The following VWF variants were observed in gnomAD, a reference collection of about 807,000 sequenced individuals.
VWF encodes Factor VIII related antigen.
A neutral mutation model predicts 308.6 loss-of-function variants in VWF; 176 were observed. The ratio of observed to expected loss-of-function variants is 0.57; its 90% CI spans 0.50 to 0.65. The LOEUF (loss-of-function observed/expected upper bound fraction) is 0.65, where lower values mean the gene tolerates loss of function less well. Ranked by LOEUF, VWF falls within the 30% of genes least tolerant of loss-of-function variation. The probability of loss-of-function intolerance (pLI) is 0.00; values close to 1 mark genes in which losing one functional copy is unlikely to be tolerated. For synonymous variants in VWF, 1,385 were observed against 1,443.4 expected, an observed-to-expected ratio of 0.96 and a Z score of 0.92; for missense variants, 3,146 against 3,648.2, an observed-to-expected ratio of 0.86 and a Z score of 3.55.
chr12:6,064,531 A>C, intron 11 of VWF, 147 bp from the exon 12 acceptor site: 20 of 1,295,830 alleles, frequency 1.5e-5, no homozygotes, highest in Non-Finnish European at 2.1e-5. Flanking sequence ...AGAATACTCC[A>C]TGTGAATGGG....
At chr12:6,053,513 G>T (rs538862534) in intron 15 of VWF, among the ~76,000 whole-genome samples, 12 of 152,298 alleles carry the variant, frequency 7.9e-5, no homozygotes, top group African/African-American at 2.9e-4. Flanking sequence ...CAGCGAAATG[G>T]GCTGCACCCA....
chr12:6,079,610 GA>G (rs71672997), intron 6 of VWF, among the ~76,000 whole-genome samples: 12,834 of 133,798 alleles, frequency 0.096, 1,681 homozygotes, highest in African/African-American at 0.3. Context: ...ACTCTGTCTC[GA>G]AAAAAAAAAA....
At chr12:6,028,473 T>G (rs1224137973) in intron 22 of VWF, among the ~76,000 whole-genome samples, 2 of 152,112 alleles carry the variant, frequency 1.3e-5, no homozygotes, top group Admixed American at 6.5e-5. Context: ...TTTACCAGGT[T>G]GAAATGAAGG....
Position 6,057,929 on chromosome 12 carries a change from C to T in VWF, c.1649G>A (p.Gly550Glu). 6.2e-7 allele frequency: 1 copy of T among 1,613,700 alleles called. No homozygotes were observed. The highest frequency in any genetic ancestry group is 8.5e-7 in the Non-Finnish European group (1 of 1,180,000). ...GTCCCCGTGCAGCTTCCAGGCGTTCCCGAAGTCCTCCACCCGGGGCTCCGC... is the reference window on the plus strand; with the variant it reads ...GTCCCCGTGCAGCTTCCAGGCGTTCTCGAAGTCCTCCACCCGGGGCTCCGC... Reference protein sequence around the residue: ...GLAEPRVEDFGNAWKLHGDCQ... With the variant: ...GLAEPRVEDFENAWKLHGDCQ... The change falls in exon 14 of 52, where the codon GGG (glycine) becomes GAG (glutamate). Residue 550 changes from glycine (G) to glutamate (E), a missense_variant. By Grantham distance (98) the Gly-to-Glu change is moderately conservative. Coordinates refer to ENST00000261405, the MANE Select transcript of VWF (RefSeq NM_000552.5).
At chr12:5,984,284 G>A (rs955566058) in intron 40 of VWF, among the ~76,000 whole-genome samples, 3 of 152,190 alleles carry the variant, frequency 2.0e-5, no homozygotes, top group Non-Finnish European at 2.9e-5. Flanking sequence ...TCTCTCTACT[G>A]CTAACATTCT....
intron 33 of VWF, 105 bp from the exon 34 acceptor site, chr12:6,011,899 C>T: frequency 7.6e-7 from 1 of 1,312,212 alleles, no homozygotes; most frequent in Non-Finnish European, 1.1e-6. Flanking sequence ...CAGGCCTACA[C>T]AGCAAGGAGG....
chr12:6,061,905 T>C (rs1327440663), intron 13 of VWF, among the ~76,000 whole-genome samples: 7 of 152,202 alleles, frequency 4.6e-5, no homozygotes, highest in Admixed American at 4.6e-4. Flanking sequence ...CCCAGCTGTC[T>C]CCTATTAAGC....
At chr12:6,041,291 G>A (rs1360187827) in intron 18 of VWF, among the ~76,000 whole-genome samples, 1 of 151,676 alleles carries the variant, frequency 6.6e-6, no homozygotes, top group Non-Finnish European at 1.5e-5. Flanking sequence ...TCAGCTGGGT[G>A]TGGTCGTGTG....
At chr12:6,035,074 G>A (rs1463065298) in intron 19 of VWF, among the ~76,000 whole-genome samples, 1 of 152,190 alleles carries the variant, frequency 6.6e-6, no homozygotes, top group Non-Finnish European at 1.5e-5. Flanking sequence ...AAGGGAAGGG[G>A]TTGTCCAAAG....
intron 5 of VWF, among the ~76,000 whole-genome samples, chr12:6,104,231 T>C (rs1208218467): frequency 1.3e-5 from 2 of 152,092 alleles, no homozygotes; most frequent in African/African-American, 4.8e-5. Flanking sequence ...TGAGATATCA[T>C]CTTACCCTAG....
In VWF at chr12:6,025,988, C is replaced by T. The variant is rs1336370766; in HGVS notation, c.3026G>A (p.Ser1009Asn). ...FDGIQNNDLTSSNLQVEEDPV... is the reference protein window; with the variant it reads ...FDGIQNNDLTNSNLQVEEDPV... ...GTCTTCCTCCACTTGGAGGTTGCTGCTGGTGAGGTCATTGTTCTGGATGCC... is the reference window on the plus strand; with the variant it reads ...GTCTTCCTCCACTTGGAGGTTGCTGTTGGTGAGGTCATTGTTCTGGATGCC... Residue 1009 changes from serine to asparagine, a missense_variant, in exon 23 of 52, where the codon AGC becomes AAC. Coordinates refer to ENST00000261405, the MANE Select transcript of VWF (RefSeq NM_000552.5). The T allele has an allele frequency of 6.2e-7, 1 of 1,614,002 alleles. No homozygotes were observed. The highest frequency in any genetic ancestry group is 1.7e-5 in the Admixed American group (1 of 60,024).
intron 14 of VWF, among the ~76,000 whole-genome samples, chr12:6,057,523 TTA>T (rs1944598465): frequency 7.0e-6 from 1 of 143,062 alleles, no homozygotes; most frequent in Non-Finnish European, 1.5e-5. Context: ...ATTATTATTA[TTA>T]TTTTAATAGA....
At chr12:6,117,559 T>C (rs1945381483) in intron 3 of VWF, among the ~76,000 whole-genome samples, 1 of 152,194 alleles carries the variant, frequency 6.6e-6, no homozygotes, top group Non-Finnish European at 1.5e-5. Flanking sequence ...GTATCTCCAT[T>C]TTAAAGATGA....
At chr12:6,109,608 T>C (rs917229232) in intron 5 of VWF, among the ~76,000 whole-genome samples, 10 of 152,230 alleles carry the variant, frequency 6.6e-5, no homozygotes, top group Non-Finnish European at 1.3e-4. Context: ...TAATTGAATG[T>C]TTATGTAATT....
intron 47 of VWF, among the ~76,000 whole-genome samples, chr12:5,958,114 A>T (rs774084299): frequency 1.3e-5 from 2 of 152,156 alleles, no homozygotes; most frequent in South Asian, 4.1e-4. Flanking sequence ...AAAAAAAAGA[A>T]AAAAAAGAAA....
chr12:6,073,344 C>T (rs781668694), intron 8 of VWF, among the ~76,000 whole-genome samples: 7 of 152,184 alleles, frequency 4.6e-5, no homozygotes, highest in African/African-American at 9.7e-5. Flanking sequence ...AGATGGGCCA[C>T]GAGTTCCCCA....
chr12:5,984,586 T>C (rs1178938249), intron 40 of VWF, among the ~76,000 whole-genome samples: 2 of 152,220 alleles, frequency 1.3e-5, no homozygotes, highest in African/African-American at 4.8e-5. Flanking sequence ...TTCCATCAGC[T>C]CTGAATTCAC....
chr12:6,065,421 C>T (rs781021975), intron 10 of VWF, 148 bp from the exon 11 acceptor site: 57 of 1,069,514 alleles, frequency 5.3e-5, no homozygotes, highest in Non-Finnish European at 7.0e-5. Context: ...ACAAGTTCTA[C>T]GAGAAAATTC....
intron 18 of VWF, among the ~76,000 whole-genome samples, chr12:6,041,672 C>A (rs1162891312): frequency 1.3e-5 from 2 of 152,054 alleles, no homozygotes; most frequent in African/African-American, 4.8e-5. Context: ...TGGTCTCGAT[C>A]TCCTGACCTC....
Sources: allele counts gnomAD v4.1 joint callset (sites outside exome capture counted in the v4.1 genomes callset), GRCh38; gene constraint gnomAD v4.1.1; transcripts MANE v1.5; gene names NCBI Gene and HGNC (gene_info 2026-07-23, HGNC 2026-07-21).